The following NELL1 variants were observed in gnomAD, a reference collection of about 807,000 sequenced individuals.
NELL1 encodes the protein neural EGFL like 1.
NELL1 carries 76 observed loss-of-function variants against 107.4 expected under a neutral mutation model. The ratio of observed to expected loss-of-function variants is 0.71; its 90% CI spans 0.59 to 0.86. NELL1 has a LOEUF of 0.86. Among genes scored for constraint, NELL1 ranks in the 40% least tolerant of loss-of-function variants. NELL1 has a pLI of 0.00. For missense variants in NELL1, 1,024 were observed against 1,005.5 expected (o/e 1.02, Z -0.25); for synonymous variants, 353 against 341.2 (o/e 1.03, Z -0.38).
chr11:20,765,545 G>T (rs1431957494), intron 2 of NELL1, among the ~76,000 whole-genome samples: 3 of 152,202 alleles, frequency 2.0e-5, no homozygotes, highest in Admixed American at 6.5e-5. Context: ...TGACGTTTCA[G>T]CTGAAGCCTG....
At chr11:21,006,870 C>G (rs1286026333) in intron 12 of NELL1, among the ~76,000 whole-genome samples, 2 of 152,100 alleles carry the variant, frequency 1.3e-5, no homozygotes, top group African/African-American at 2.4e-5. Flanking sequence ...ATTCTTTGGT[C>G]TTAGAGTGAA....
At chr11:21,455,628 C>G (rs1329302595) in intron 15 of NELL1, among the ~76,000 whole-genome samples, 1 of 152,112 alleles carries the variant, frequency 6.6e-6, no homozygotes, top group Admixed American at 6.5e-5. Context: ...CAACCATGCC[C>G]AGCAAACTTT....
At chr11:20,808,487 G>A (rs566141594) in intron 3 of NELL1, among the ~76,000 whole-genome samples, 1 of 152,192 alleles carries the variant, frequency 6.6e-6, no homozygotes, top group Non-Finnish European at 1.5e-5. Context: ...TTGGGGGAGG[G>A]CTGGTGCAAG....
chr11:21,339,750 C>T (rs1850519325), intron 14 of NELL1, among the ~76,000 whole-genome samples: 2 of 152,162 alleles, frequency 1.3e-5, no homozygotes, highest in Admixed American at 1.3e-4. Flanking sequence ...ACTAATTCTA[C>T]CACCTTTCTG....
chr11:21,006,674 G>T (rs1373085342), intron 12 of NELL1, among the ~76,000 whole-genome samples: 1 of 151,978 alleles, frequency 6.6e-6, no homozygotes, highest in Non-Finnish European at 1.5e-5. Flanking sequence ...TTTGCAGCTG[G>T]CTGAAGAGGG....
intron 8 of NELL1, among the ~76,000 whole-genome samples, 187 bp from the exon 9 acceptor site, chr11:20,928,190 A>C (rs925374671): frequency 5.3e-5 from 8 of 152,188 alleles, no homozygotes; most frequent in Admixed American, 2.0e-4. Flanking sequence ...TCAGAAAAGT[A>C]ATTGAGGTGG....
intron 5 of NELL1, among the ~76,000 whole-genome samples, chr11:20,886,039 G>A (rs1049037420): frequency 1.3e-5 from 2 of 152,112 alleles, no homozygotes; most frequent in African/African-American, 4.8e-5. Context: ...TCACTTATAA[G>A]TGGGAGCTAA....
At chr11:20,856,932 A>G (rs1369492487) in intron 4 of NELL1, among the ~76,000 whole-genome samples, 1 of 152,222 alleles carries the variant, frequency 6.6e-6, no homozygotes, top group East Asian at 1.9e-4. Context: ...TGTAAGGTAC[A>G]TGGATGTGCT....
At chr11:21,159,764 T>C (rs961029004) in intron 13 of NELL1, among the ~76,000 whole-genome samples, 2 of 152,212 alleles carry the variant, frequency 1.3e-5, no homozygotes, top group Non-Finnish European at 1.5e-5. Context: ...AAAGTGAGAA[T>C]GTGTAGTGGC....
intron 12 of NELL1, among the ~76,000 whole-genome samples, chr11:21,041,477 G>T (rs1209360559): frequency 1.3e-5 from 2 of 152,072 alleles, no homozygotes; most frequent in Non-Finnish European, 2.9e-5. Flanking sequence ...AGGTTGGGTG[G>T]TTAGTATATA....
At chr11:20,790,959 T>C (rs1229720279) in intron 3 of NELL1, among the ~76,000 whole-genome samples, 2 of 152,242 alleles carry the variant, frequency 1.3e-5, no homozygotes, top group Non-Finnish European at 2.9e-5. Flanking sequence ...TTTATCCATA[T>C]GGAAGTGCTG....
intron 13 of NELL1, among the ~76,000 whole-genome samples, chr11:21,141,404 T>TC (rs1166766284): frequency 6.6e-6 from 1 of 152,194 alleles, no homozygotes; most frequent in Non-Finnish European, 1.5e-5. Flanking sequence ...AATTGGCGTT[T>TC]CCTATTTGTT....
At chr11:21,325,361 A>C (rs1405643721) in intron 14 of NELL1, among the ~76,000 whole-genome samples, 1 of 152,002 alleles carries the variant, frequency 6.6e-6, no homozygotes, top group Non-Finnish European at 1.5e-5. Flanking sequence ...TCTCTGATTT[A>C]TTTCCTCTAA....
At chr11:21,276,074 T>G (rs1239160116) in intron 14 of NELL1, among the ~76,000 whole-genome samples, 1 of 152,056 alleles carries the variant, frequency 6.6e-6, no homozygotes, top group Non-Finnish European at 1.5e-5. Context: ...GAGAAGGAAA[T>G]AAAGGGTATT....
chr11:20,880,523 C>G (rs72937252), intron 4 of NELL1, among the ~76,000 whole-genome samples: 1 of 152,146 alleles, frequency 6.6e-6, no homozygotes, highest in Non-Finnish European at 1.5e-5. Flanking sequence ...AACTGCGATA[C>G]GAACCCAAAC....
chr11:20,943,106 C>A (rs1168766975), intron 10 of NELL1, among the ~76,000 whole-genome samples: 2 of 150,036 alleles, frequency 1.3e-5, no homozygotes, highest in African/African-American at 2.5e-5. Flanking sequence ...ACAGATTATT[C>A]TCTTGCACAG....
chr11:21,551,980 CTTTGTAG>C (rs1463645315), intron 16 of NELL1, among the ~76,000 whole-genome samples: 31 of 145,726 alleles, frequency 2.1e-4, no homozygotes, highest in Non-Finnish European at 3.8e-4. Flanking sequence ...AGTTCATGTC[CTTTGTAG>C]GGACATGGAT....
intron 17 of NELL1, among the ~76,000 whole-genome samples, chr11:21,569,633 T>C (rs527875497): frequency 2.6e-5 from 4 of 151,884 alleles, no homozygotes; most frequent in Non-Finnish European, 4.4e-5. Flanking sequence ...TTCTAAAAAC[T>C]GAAGAATTGA....
intron 14 of NELL1, among the ~76,000 whole-genome samples, chr11:21,262,339 T>C (rs1234726355): frequency 4.0e-5 from 6 of 151,780 alleles, no homozygotes; most frequent in African/African-American, 1.4e-4. Context: ...CGTTCCTATG[T>C]ACTGTGCTTA....
Sources: gnomAD v4.1 joint callset for allele counts (sites outside exome capture counted in the v4.1 genomes callset) on GRCh38, gnomAD v4.1.1 for gene constraint, MANE v1.5 for transcripts, NCBI Gene and HGNC (gene_info 2026-07-23, HGNC 2026-07-21) for gene names.